Variants in TECR observed in about 807,000 individuals in gnomAD.
TECR encodes the protein trans-2,3-enoyl-CoA reductase, also known as very-long-chain enoyl-CoA reductase.
Under a neutral mutation model 50.6 loss-of-function variants are expected in TECR, and 19 were observed. The ratio of observed to expected loss-of-function variants is 0.38; its 90% CI spans 0.26 to 0.55. The LOEUF (loss-of-function observed/expected upper bound fraction) is 0.55. Ranked by LOEUF, TECR falls within the 20% of genes least tolerant of loss-of-function variation. The pLI, the probability that TECR is intolerant of heterozygous loss-of-function variation, is 0.79. For synonymous variants in TECR, 168 were observed against 163.5 expected, an observed-to-expected ratio of 1.03 and a Z score of -0.21; for missense variants, 313 against 408.3, an observed-to-expected ratio of 0.77 and a Z score of 2.01.
intron 1 of TECR, among the ~76,000 whole-genome samples, chr19:14,560,066 C>T (rs1242553400): frequency 2.0e-5 from 3 of 152,150 alleles, no homozygotes; most frequent in African/African-American, 7.2e-5. Context: ...CTCCTTGGGC[C>T]TCAGGCTGGC....
chr19:14,558,431 C>T (rs1228032698), intron 1 of TECR, among the ~76,000 whole-genome samples: 3 of 152,222 alleles, frequency 2.0e-5, no homozygotes, highest in East Asian at 1.9e-4. Flanking sequence ...GTGCGCTTCA[C>T]GCCGCACCGT....
At chr19:14,547,875 TGGTCTTG>T (rs567859180) in intron 1 of TECR, among the ~76,000 whole-genome samples, 32 of 151,520 alleles carry the variant, frequency 2.1e-4, no homozygotes, top group Admixed American at 9.9e-4. Context: ...TTGCCCAGGT[TGGTCTTG>T]GGTCTTGGGT....
At position 14,565,749 on chromosome 19, in the gene TECR, C is replaced by G; in HGVS notation, c.805C>G (p.Leu269Val). Residue 269 changes from leucine to valine, a missense_variant, in exon 13 of 13, where the codon CTG becomes GTG. Physicochemically the swap from Leu to Val is conservative, Grantham distance 32. Coordinates refer to ENST00000215567, the MANE Select transcript of TECR (RefSeq NM_138501.6). ...AIMTQCLPVA[L>V]FSLVGFTQMT... is the part of the protein sequence containing the mutation. ...ACGCCCGTTCTTTCCTGCAGTGGCC[C>G]TGTTCTCCCTGGTGGGCTTCACCCA... is the stretch of plus-strand genomic sequence containing the variant. 6.2e-7 allele frequency: 1 copy of G among 1,612,220 alleles called. No homozygotes were observed.
rs1365248247 is a variant in TECR, at chr19:14,565,917, T to A, written c.*46T>A. The A allele has an allele frequency of 3.2e-6, 5 of 1,549,628 alleles. No individual in the cohort carries two copies. Among genetic ancestry groups the A allele is most frequent in the African/African-American group, 1.4e-5 (1 of 73,454 alleles). Reference sequence around the variant, plus strand: ...TCAGCCCCTCAACCCGGTGGCATTCTGGGGGAGGAGTGGGGCCCACAGCTC... The same window carrying A: ...TCAGCCCCTCAACCCGGTGGCATTCAGGGGGAGGAGTGGGGCCCACAGCTC... On this transcript the variant is annotated 3_prime_UTR_variant, in exon 13 of 13. Transcript: ENST00000215567.
intron 1 of TECR, among the ~76,000 whole-genome samples, chr19:14,534,656 C>G (rs748770273): frequency 6.6e-6 from 1 of 151,990 alleles, no homozygotes; most frequent in Non-Finnish European, 1.5e-5. Context: ...AGGCTGGTCT[C>G]GAACTCCTGG....
rs137862909 is a variant in TECR, at chr19:14,563,180, C to T, written c.67-26C>T. 22,622 of 1,613,746 alleles carry T rather than the reference C, an allele frequency of 0.014. 191 individuals are homozygous for T. Among genetic ancestry groups the T allele is most frequent in the Non-Finnish European group, 0.017 (20,000 of 1,179,804 alleles). ...GAGTCTGGGCTCCCCGCAGAGCTGACGTCCCTGCGCCTGTGCTTCCCCCAG... is the reference window on the plus strand; with the variant it reads ...GAGTCTGGGCTCCCCGCAGAGCTGATGTCCCTGCGCCTGTGCTTCCCCCAG... On this transcript the variant is annotated intron_variant, in intron 2 of 12. Transcript: ENST00000215567. The surrounding 1 kb of genome is among the most constrained non-coding windows in gnomAD (Gnocchi z 5.3).
chr19:14,563,304 G>C lies in TECR; in HGVS notation c.118+47G>C, dbSNP rs201189282. 1 of 1,543,016 alleles carries C rather than the reference G, an allele frequency of 6.5e-7. No individual in the cohort carries two copies. The highest frequency in any genetic ancestry group is 2.2e-5 in the East Asian group (1 of 44,524). ...ACTGCCCCTGCAACCCCTTTGACCA[G>C]GGACCTTAGGGTGGGAGGGATCCCA... On this transcript the variant is annotated intron_variant, in intron 3 of 12. Transcript: ENST00000215567. The surrounding 1 kb of genome is among the most constrained non-coding windows in gnomAD (Gnocchi z 5.3).
chr19:14,528,482 C>T (rs569720988), upstream of TECR, among the ~76,000 whole-genome samples: 17 of 151,974 alleles, frequency 1.1e-4, 1 homozygote, highest in South Asian at 3.5e-3. Context: ...TCGTGATCTG[C>T]CCCCCTCGGC....
intron 1 of TECR, among the ~76,000 whole-genome samples, chr19:14,558,964 G>A (rs1171638873): frequency 6.6e-6 from 1 of 152,146 alleles, no homozygotes; most frequent in Non-Finnish European, 1.5e-5. Flanking sequence ...CCCCCTGTTG[G>A]CCTCAGGCCT....
At chr19:14,534,167 C>T (rs1326740844) in intron 1 of TECR, 1 of 151,894 alleles carries the variant, frequency 6.6e-6, no homozygotes, top group East Asian at 1.9e-4. Context: ...CACTCTCGCC[C>T]AGGCTGGAGT....
At chr19:14,560,760 G>C (rs1412232370) in intron 1 of TECR, among the ~76,000 whole-genome samples, 1 of 152,226 alleles carries the variant, frequency 6.6e-6, no homozygotes, top group East Asian at 1.9e-4. Flanking sequence ...GGAAGTGGGG[G>C]CGAGTGTGTC....
intron 1 of TECR, among the ~76,000 whole-genome samples, chr19:14,551,926 CCT>C (rs1451764754): frequency 2.6e-5 from 3 of 116,852 alleles, no homozygotes; most frequent in African/African-American, 6.4e-5. Context: ...TCCCTCCCTC[CCT>C]CTCTCTCTCC....
chr19:14,529,039 G>A (rs1255023594), upstream of TECR: 1 of 156,830 alleles, frequency 6.4e-6, no homozygotes, highest in Admixed American at 6.2e-5. Flanking sequence ...GGTTCTTGCA[G>A]GTTGGGGGTT....
At chr19:14,558,432 G>GCCGCA (rs1568423667) in intron 1 of TECR, among the ~76,000 whole-genome samples, 1 of 152,120 alleles carries the variant, frequency 6.6e-6, no homozygotes, top group East Asian at 1.9e-4. Context: ...TGCGCTTCAC[G>GCCGCA]CCGCACCGTG....
rs1196230602 is a variant in TECR, at chr19:14,564,893, G to A, written c.562+35G>A. The stretch of plus-strand genomic sequence containing the variant: ...CTCAGACCATCCTTCCCTCCCCCAC[G>A]GTCCCCACCCAGCGGGTCCTCCCCT... On this transcript the variant is annotated intron_variant, in intron 8 of 12. Transcript: ENST00000215567. 4 of 1,613,706 alleles carry A rather than the reference G, an allele frequency of 2.5e-6. No homozygotes were observed. The African/African-American group carries it at 4.0e-5, about 16-fold the overall frequency.
intron 1 of TECR, among the ~76,000 whole-genome samples, chr19:14,554,814 C>CT (rs2073660903): frequency 6.6e-6 from 1 of 151,968 alleles, no homozygotes; most frequent in Non-Finnish European, 1.5e-5. Flanking sequence ...GAGTTTCACT[C>CT]TGTCACCAGG....
Position 14,563,617 on chromosome 19 carries a change from C to T in TECR, c.119-41C>T. On this transcript the variant is annotated intron_variant, in intron 3 of 12. Transcript: ENST00000215567. The surrounding 1 kb of genome is among the most constrained non-coding windows in gnomAD (Gnocchi z 5.3). ...GGCTGGGCAGCGGACCGGCTGAGCCCTGCCAGGCTGTGGGCTGTAACTGCC... is the reference window on the plus strand; with the variant it reads ...GGCTGGGCAGCGGACCGGCTGAGCCTTGCCAGGCTGTGGGCTGTAACTGCC... 6.2e-7 allele frequency: 1 copy of T among 1,610,122 alleles called. No individual in the cohort carries two copies. The highest frequency in any genetic ancestry group is 1.1e-5 in the South Asian group (1 of 91,002).
rs757674268 is a variant in TECR at position 14,563,994 on chromosome 19, G to A, written c.280G>A (p.Glu94Lys). 6.2e-7 allele frequency: 1 copy of A among 1,614,052 alleles called. No individual in the cohort carries two copies. Among genetic ancestry groups the A allele is most frequent in the Non-Finnish European group, 8.5e-7 (1 of 1,179,948 alleles). Residue 94 changes from glutamate (E) to lysine (K), a missense_variant, in exon 6 of 13, where the codon GAG (glutamate) becomes AAG (lysine). Coordinates refer to ENST00000215567, the MANE Select transcript of TECR (RefSeq NM_138501.6). This position sits in a 1 kb window ranked among gnomAD's most constrained non-coding sequence, Gnocchi z 5.3. The part of the protein sequence containing the change: ...QISWVTVFLT[E>K]YAGPLFIYLL... ...CCTCTACTCTCAGGTCTTCCTAACA[G>A]AGTACGCGGGGCCCCTTTTCATCTA...
chr19:14,555,186 CT>C (rs936762509), intron 1 of TECR, among the ~76,000 whole-genome samples: 13 of 151,824 alleles, frequency 8.6e-5, no homozygotes, highest in Admixed American at 4.6e-4. Flanking sequence ...TTAAGCGATC[CT>C]TCTGTCACAG....
Sources: allele counts gnomAD v4.1 joint callset (sites outside exome capture counted in the v4.1 genomes callset), GRCh38; gene constraint gnomAD v4.1.1; non-coding constraint Gnocchi (gnomAD v3.1); transcripts MANE v1.5; gene names NCBI Gene and HGNC (gene_info 2026-07-23, HGNC 2026-07-21).